MLLT3: variants seen among roughly 807,000 people sequenced by gnomAD.
MLLT3 encodes MLLT3 super elongation complex subunit.
MLLT3 carries 4 observed loss-of-function variants against 53.2 expected under a neutral mutation model. The observed-to-expected ratio is 0.08, with a 90% CI of 0.04 to 0.17. The LOEUF (loss-of-function observed/expected upper bound fraction) is 0.17, where lower values mean the gene tolerates loss of function less well. Ranked by LOEUF, MLLT3 falls within the 10% of genes least tolerant of loss-of-function variation. The pLI is 1.00. For synonymous variants in MLLT3, 283 were observed against 230.6 expected, an observed-to-expected ratio of 1.23 and a Z score of -2.06; for missense variants, 569 against 684.0, an observed-to-expected ratio of 0.83 and a Z score of 1.87.
intron 8 of MLLT3, among the ~76,000 whole-genome samples, chr9:20,357,717 C>T (rs1161621646): frequency 6.6e-6 from 1 of 152,096 alleles, no homozygotes. Flanking sequence ...TTAGTACTTC[C>T]CCTCTTCTCT....
intron 4 of MLLT3, among the ~76,000 whole-genome samples, chr9:20,434,164 C>T (rs1823345768): frequency 6.6e-6 from 1 of 151,888 alleles, no homozygotes; most frequent in Non-Finnish European, 1.5e-5. Flanking sequence ...CTGGAACAAT[C>T]TGCAACAAAA....
chr9:20,489,398 G>A (rs1824891954), intron 2 of MLLT3, among the ~76,000 whole-genome samples: 1 of 152,066 alleles, frequency 6.6e-6, no homozygotes, highest in African/African-American at 2.4e-5. Flanking sequence ...TTCTTGGCAG[G>A]TCTCTAATAT....
At chr9:20,518,121 G>A (rs559748166) in intron 2 of MLLT3, among the ~76,000 whole-genome samples, 18 of 152,188 alleles carry the variant, frequency 1.2e-4, no homozygotes, top group African/African-American at 2.9e-4. Flanking sequence ...AGAGGCAGGC[G>A]GATCACCTGA....
chr9:20,615,624 T>C (rs1037043482), intron 2 of MLLT3, among the ~76,000 whole-genome samples: 3 of 151,986 alleles, frequency 2.0e-5, no homozygotes, highest in Non-Finnish European at 4.4e-5. Flanking sequence ...GTAGGCTGAA[T>C]ACTTTCTACC....
chr9:20,477,177 C>T (rs1563777247), intron 2 of MLLT3, among the ~76,000 whole-genome samples: 1 of 151,988 alleles, frequency 6.6e-6, no homozygotes, highest in Admixed American at 6.6e-5. Flanking sequence ...CCATGGGTTC[C>T]TTTCTTATTA....
intron 4 of MLLT3, among the ~76,000 whole-genome samples, chr9:20,437,087 CCTTT>C (rs1563965283): frequency 6.6e-6 from 1 of 152,038 alleles, no homozygotes; most frequent in African/African-American, 2.4e-5. Flanking sequence ...TATGAGTCTG[CCTTT>C]CTAACTGTTA....
chr9:20,478,400 A>G (rs1217658606), intron 2 of MLLT3, among the ~76,000 whole-genome samples: 1 of 152,208 alleles, frequency 6.6e-6, no homozygotes, highest in Non-Finnish European at 1.5e-5. Flanking sequence ...TACCTGGCAC[A>G]GAAGAGATGC....
chr9:20,553,372 G>A lies in MLLT3; in HGVS notation c.193+67282C>T, dbSNP rs143223369. Among the ~76,000 whole-genome samples, 311 of 152,158 alleles carry A rather than the reference G, an allele frequency of 2.0e-3. 5 individuals are homozygous for A. Among genetic ancestry groups the A allele is most frequent in the Admixed American group, 0.016 (245 of 15,290 alleles). On this transcript the variant is annotated intron_variant, in intron 2 of 10. Coordinates refer to ENST00000380338, the MANE Select transcript of MLLT3 (RefSeq NM_004529.4). ...TGTTGAGTCGGCCTCACATTTATTC[G>A]CAGATTCAACAAAGGACAGCTGACA...
intron 4 of MLLT3, among the ~76,000 whole-genome samples, chr9:20,416,174 C>A (rs1016490945): frequency 1.3e-5 from 2 of 151,648 alleles, no homozygotes; most frequent in Non-Finnish European, 2.9e-5. Flanking sequence ...ATGGACAAAC[C>A]AAATTAAGGA....
intron 2 of MLLT3, among the ~76,000 whole-genome samples, chr9:20,562,806 GT>G (rs1819249084): frequency 6.6e-6 from 1 of 152,140 alleles, no homozygotes; most frequent in South Asian, 2.1e-4. Context: ...AAATGAAAGT[GT>G]TTCCCTAATA....
At chr9:20,563,590 C>A (rs1445276573) in intron 2 of MLLT3, among the ~76,000 whole-genome samples, 1 of 152,076 alleles carries the variant, frequency 6.6e-6, no homozygotes, top group Non-Finnish European at 1.5e-5. Flanking sequence ...ATAAATACTG[C>A]TTTTCTGCCT....
chr9:20,557,021 A>T (rs1422416537), intron 2 of MLLT3, among the ~76,000 whole-genome samples: 2 of 152,190 alleles, frequency 1.3e-5, no homozygotes, highest in African/African-American at 4.8e-5. Context: ...GATTCAGAAG[A>T]AGAACGCAAC....
intron 2 of MLLT3, among the ~76,000 whole-genome samples, chr9:20,477,081 C>T (rs1311852639): frequency 6.6e-6 from 1 of 152,134 alleles, no homozygotes; most frequent in Non-Finnish European, 1.5e-5. Flanking sequence ...TGTCTCCTCC[C>T]TTCTCTGGGG....
At chr9:20,564,500 T>A (rs1819298413) in intron 2 of MLLT3, among the ~76,000 whole-genome samples, 3 of 152,154 alleles carry the variant, frequency 2.0e-5, no homozygotes, top group Non-Finnish European at 4.4e-5. Context: ...AAAATAGCCT[T>A]TGCGTTCTCC....
intron 4 of MLLT3, among the ~76,000 whole-genome samples, chr9:20,419,911 A>C (rs1339750615): frequency 6.6e-6 from 1 of 152,222 alleles, no homozygotes; most frequent in African/African-American, 2.4e-5. Context: ...TGAAAAAAAA[A>C]CTGTAATATA....
intron 4 of MLLT3, among the ~76,000 whole-genome samples, chr9:20,432,597 A>G (rs928362411): frequency 1.3e-5 from 2 of 152,172 alleles, no homozygotes; most frequent in African/African-American, 2.4e-5. Context: ...GGGTGGGGGG[A>G]AAAAGCAGAG....
chr9:20,480,897 C>A (rs1157451368), intron 2 of MLLT3, among the ~76,000 whole-genome samples: 1 of 152,112 alleles, frequency 6.6e-6, no homozygotes, highest in African/African-American at 2.4e-5. Context: ...ATAGCTAGGT[C>A]AGAGGGACCT....
At chr9:20,377,280 C>G (rs1380848662) in intron 5 of MLLT3, among the ~76,000 whole-genome samples, 1 of 152,174 alleles carries the variant, frequency 6.6e-6, no homozygotes, top group Non-Finnish European at 1.5e-5. Context: ...AAGTAACCCT[C>G]CTGTGCAGAG....
At chr9:20,485,913 G>A (rs1388816103) in intron 2 of MLLT3, among the ~76,000 whole-genome samples, 5 of 152,170 alleles carry the variant, frequency 3.3e-5, no homozygotes, top group Non-Finnish European at 4.4e-5. Context: ...TAACAGGGTT[G>A]AGCAAACAGA....
Sources: allele counts gnomAD v4.1 joint callset (sites outside exome capture counted in the v4.1 genomes callset), GRCh38; gene constraint gnomAD v4.1.1; transcripts MANE v1.5; gene names NCBI Gene and HGNC (gene_info 2026-07-23, HGNC 2026-07-21).